The following RTEL1 variants were observed in gnomAD, a reference collection of about 807,000 sequenced individuals.
The protein encoded by RTEL1 is regulator of telomere elongation helicase 1, also known as regulator of telomere length.
Under a neutral mutation model 162.2 loss-of-function variants are expected in RTEL1, and 86 were observed. That is an observed-to-expected ratio of 0.53 (90% CI 0.45 to 0.63). RTEL1 has a LOEUF of 0.63. RTEL1 is among the 30% of genes least tolerant of loss of function. The probability of loss-of-function intolerance (pLI) is 0.00; values close to 1 mark genes in which losing one functional copy is unlikely to be tolerated. For missense variants in RTEL1, 1,941 were observed against 1,750.2 expected (o/e 1.11, Z -1.95); for synonymous variants, 958 against 717.9 (o/e 1.33, Z -5.35).
rs760686150 is a variant in RTEL1 at position 63,695,533 on chromosome 20, C to A, written c.3705C>A (p.Gly1235=). 6.2e-7 allele frequency: 1 copy of A among 1,612,234 alleles called. No homozygotes were observed. Among genetic ancestry groups the A allele is most frequent in the Admixed American group, 1.7e-5 (1 of 59,984 alleles). The change falls in exon 34 of 35, where the codon GGC becomes GGA. Residue 1235 remains glycine (G), a synonymous_variant. Coordinates refer to ENST00000360203, the MANE Select transcript of RTEL1 (RefSeq NM_001283009.2). ...IAGQQATGAP[G]GPLSAGCVCQ... ...GGCAGCAGGCCACGGGAGCTCCGGG[C>A]GGGCCCCTCTCAGCAGGCTGTGTGT...
In RTEL1 at chr20:63,688,004, C is replaced by T. The variant is rs1476802519; in HGVS notation, c.1549C>T (p.Pro517Ser). Residue 517 changes from proline (P) to serine (S), a missense_variant, in exon 18 of 35, where the codon CCC becomes TCC. Transcript: ENST00000360203. ...GCACCAGATCTGGGTGGGGGTCGTC[C>T]CCAGAGGCCCCGATGGAGCCCAGTT... ...DKHQIWVGVV[P>S]RGPDGAQLSS... is the part of the protein sequence containing the mutation. 1.6e-5 allele frequency: 25 copies of T among 1,612,718 alleles called. No individual in the cohort carries two copies. Among genetic ancestry groups the T allele is most frequent in the Non-Finnish European group, 1.7e-5 (20 of 1,180,008 alleles).
chr20:63,687,102 C>T (rs2090611698), intron 16 of RTEL1: 1 of 153,560 alleles, frequency 6.5e-6, no homozygotes, highest in Admixed American at 6.5e-5. Context: ...TCAGCCTCCT[C>T]CCCAGGCCAC....
At chr20:63,685,910 G>A in intron 16 of RTEL1, 38 bp downstream of exon 16, 1 of 1,582,826 alleles carries the variant, frequency 6.3e-7, no homozygotes, top group Non-Finnish European at 8.6e-7. Context: ...GCCCGCCCGG[G>A]TGCAGTGCCC....
chr20:63,690,497 G>C, intron 26 of RTEL1, 56 bp downstream of exon 26: 1 of 1,368,896 alleles, frequency 7.3e-7, no homozygotes, highest in Non-Finnish European at 9.9e-7. Context: ...GGGCGGCGTG[G>C]GGCGGGCAGC....
intron 33 of RTEL1, 31 bp from the exon 34 acceptor site, chr20:63,695,297 G>GCC (rs759834048): frequency 1.9e-6 from 3 of 1,584,148 alleles, no homozygotes; most frequent in Non-Finnish European, 2.6e-6. Flanking sequence ...AAAGCCCCAG[G>GCC]CCCCCCTCAG....
At chr20:63,677,442 C>T (rs1601130621) in intron 10 of RTEL1, among the ~76,000 whole-genome samples, 1 of 152,140 alleles carries the variant, frequency 6.6e-6, no homozygotes, top group African/African-American at 2.4e-5. Context: ...GGGTGAAACC[C>T]CATCTCTACT....
chr20:63,690,110 C>T lies in RTEL1; in HGVS notation c.2165C>T (p.Ala722Val). 1 of 1,612,032 alleles carries T rather than the reference C, an allele frequency of 6.2e-7. No individual in the cohort carries two copies. Among genetic ancestry groups the T allele is most frequent in the Non-Finnish European group, 8.5e-7 (1 of 1,179,802 alleles). ...AGGTTCGCCTTTGCCGACGCAAGAG[C>T]CCAACTGCCCTCCTGGGTGCGTCCC... ...DHRFAFADAR[A>V]QLPSWVRPHV... The change falls in exon 25 of 35, where the codon GCC (alanine) becomes GTC (valine). Residue 722 changes from alanine (A) to valine (V), a missense_variant. Physicochemically the swap from Ala to Val is moderately conservative, Grantham distance 64. Coordinates refer to ENST00000360203, the MANE Select transcript of RTEL1 (RefSeq NM_001283009.2).
chr20:63,688,831 C>G, intron 21 of RTEL1: 1 of 636,612 alleles, frequency 1.6e-6, no homozygotes, highest in Non-Finnish European at 2.7e-6. Context: ...CTGAGTAGCC[C>G]TAGTCGGCCA....
At chr20:63,691,871 C>G (rs1328184692) in intron 28 of RTEL1, 34 bp downstream of exon 28, 2 of 1,570,404 alleles carry the variant, frequency 1.3e-6, no homozygotes, top group Admixed American at 1.7e-5. Context: ...GTGCCGACCA[C>G]CATAGACACG....
At chr20:63,685,664 C>T (rs2090576393) in intron 15 of RTEL1, 67 bp downstream of exon 15, 1 of 1,589,918 alleles carries the variant, frequency 6.3e-7, no homozygotes, top group South Asian at 1.1e-5. Flanking sequence ...GGGGGCCTTA[C>T]AGTCCTATAA....
chr20:63,661,992 C>A lies in RTEL1; in HGVS notation c.395+49C>A. The A allele has an allele frequency of 7.1e-7, 1 of 1,402,650 alleles. No homozygotes were observed. Among genetic ancestry groups the A allele is most frequent in the Non-Finnish European group, 1.0e-6 (1 of 988,122 alleles). 86.9% of individuals were successfully genotyped at this position (1,402,650 alleles called of 1,614,324 possible). On this transcript the variant is annotated intron_variant, in intron 4 of 34. Transcript: ENST00000360203. The surrounding 1 kb of genome is among the most constrained non-coding windows in gnomAD (Gnocchi z 5.1). The stretch of plus-strand genomic sequence containing the variant: ...GTCTCGGGGTCCTCAAGAGAACCAG[C>A]TTGGCATGGTGCTGAGTCCACAGCC...
At chr20:63,694,673 G>C in intron 31 of RTEL1, 68 bp from the exon 32 acceptor site, 1 of 1,387,366 alleles carries the variant, frequency 7.2e-7, no homozygotes, top group East Asian at 2.4e-5. Context: ...GAGGAAGGGC[G>C]GGCAGGGCGG....
At chr20:63,673,796 G>A (rs2090292822) in intron 9 of RTEL1, 144 bp from the exon 10 acceptor site, 1 of 833,668 alleles carries the variant, frequency 1.2e-6, no homozygotes. Flanking sequence ...GGACCTACTT[G>A]TGGCCTTTTA....
Position 63,687,585 on chromosome 20 carries a change from G to A in RTEL1, c.1349-53G>A. 3.9e-6 allele frequency: 6 copies of A among 1,528,440 alleles called. No individual in the cohort carries two copies. In the South Asian group the frequency reaches 6.1e-5, roughly 16 times the overall value. The allele number at this position is 1,528,440 out of a possible 1,614,324, so 94.7% of individuals were successfully genotyped here. On this transcript the variant is annotated intron_variant, in intron 16 of 34. Transcript: ENST00000360203. ...GATGGGCAGAGAGGCAGGTGGTCAGGCCCCCAGTCCCGTCCTCACACTCTG... is the reference window on the plus strand; with the variant it reads ...GATGGGCAGAGAGGCAGGTGGTCAGACCCCCAGTCCCGTCCTCACACTCTG...
chr20:63,685,777 C>A lies in RTEL1; in HGVS notation c.1267-14C>A. The A allele has an allele frequency of 6.2e-7, 1 of 1,610,428 alleles. No individual in the cohort carries two copies. The highest frequency in any genetic ancestry group is 8.5e-7 in the Non-Finnish European group (1 of 1,178,860). On this transcript the variant is annotated splice_polypyrimidine_tract_variant and intron_variant, in intron 15 of 34. Transcript: ENST00000360203. ...TGGGCGGGGCCTCCACACTCCTGGT[C>A]CTGTCCCCTCCAGGTGCACATCCAT...
intron 6 of RTEL1, 147 bp downstream of exon 6, chr20:63,663,036 C>A: frequency 1.3e-6 from 1 of 751,656 alleles, no homozygotes; most frequent in South Asian, 1.5e-5. Flanking sequence ...TGACTCGGGG[C>A]CACCCATGTT....
intron 26 of RTEL1, 59 bp from the exon 27 acceptor site, chr20:63,690,746 G>T (rs2090719063): frequency 1.3e-6 from 2 of 1,529,444 alleles, no homozygotes; most frequent in East Asian, 2.4e-5. Flanking sequence ...TTTGCCACAG[G>T]CAGGGACCCC....
rs572071038 is a variant in RTEL1, at chr20:63,678,761, A to G, written c.1037+415A>G. Among the ~76,000 whole-genome samples the G allele has an allele frequency of 1.2e-3, 141 of 121,234 alleles. 17 individuals carry two copies. The highest frequency in any genetic ancestry group is 5.0e-3 in the Middle Eastern group (1 of 202). The allele number at this position is 121,234 out of a possible 152,430, so 79.5% of individuals were successfully genotyped here. A position where few individuals can be genotyped will look rare whatever the true frequency, so the allele number is the denominator to read the frequency against. ...GGCACACACTCCCACGGAACGGCAC[A>G]CTCTCCCACGGAACAGCACACTCTC... On this transcript the variant is annotated intron_variant, in intron 12 of 34. Coordinates refer to ENST00000360203, the MANE Select transcript of RTEL1 (RefSeq NM_001283009.2).
chr20:63,662,417 C>T (rs770759810), intron 4 of RTEL1, 129 bp from the exon 5 acceptor site: 43 of 1,551,412 alleles, frequency 2.8e-5, no homozygotes, highest in Non-Finnish European at 3.6e-5. Flanking sequence ...GCCCGGGCCA[C>T]GTTTCAGTTA....
Sources: allele counts gnomAD v4.1 joint callset (sites outside exome capture counted in the v4.1 genomes callset), GRCh38; gene constraint gnomAD v4.1.1; non-coding constraint Gnocchi (gnomAD v3.1); transcripts MANE v1.5; gene names NCBI Gene and HGNC (gene_info 2026-07-23, HGNC 2026-07-21).